Variants in ZNF502 observed in about 807,000 individuals in gnomAD.
ZNF502 encodes zinc finger protein 502.
ZNF502 carries 29 observed loss-of-function variants against 43.6 expected under a neutral mutation model. The observed-to-expected ratio is 0.67, with a 90% CI of 0.50 to 0.91. The LOEUF (loss-of-function observed/expected upper bound fraction) is 0.91. Among genes scored for constraint, ZNF502 ranks in the 40% least tolerant of loss-of-function variants. The pLI is 0.00. For synonymous variants in ZNF502, 171 were observed against 207.4 expected (o/e 0.82, Z 1.51); for missense variants, 591 against 647.2 (o/e 0.91, Z 0.94).
At chr3:44,713,156 C>A (rs1417884728) in intron 1 of ZNF502, among the ~76,000 whole-genome samples, 1 of 152,176 alleles carries the variant, frequency 6.6e-6, no homozygotes, top group Non-Finnish European at 1.5e-5. Context: ...CGGCAAATAG[C>A]GTAAAGTGCA....
chr3:44,719,389 A>G (rs1317435216), intron 1 of ZNF502, among the ~76,000 whole-genome samples: 2 of 152,230 alleles, frequency 1.3e-5, no homozygotes, highest in East Asian at 3.9e-4. Context: ...CATGTCTTCC[A>G]AGTTCTTGAC....
chr3:44,714,818 C>G (rs1239732178), intron 1 of ZNF502: 3 of 152,140 alleles, frequency 2.0e-5, no homozygotes, highest in Non-Finnish European at 4.4e-5. Context: ...CTGGAATGAC[C>G]CGTAAATATT....
intron 1 of ZNF502, among the ~76,000 whole-genome samples, chr3:44,715,461 G>C (rs1704121323): frequency 6.6e-6 from 1 of 152,148 alleles, no homozygotes; most frequent in Non-Finnish European, 1.5e-5. Context: ...GATTACAGAA[G>C]TTAGTTATTC....
Position 44,723,580 on chromosome 3 carries a change from CTT to C in ZNF502, c.*1132_*1133del, listed in dbSNP as rs374339007. 51 of 152,344 alleles carry C rather than the reference CTT, an allele frequency of 3.3e-4. No homozygotes were observed. In the East Asian group the frequency reaches 8.9e-3, roughly 26 times the overall value. 9.4% of individuals were successfully genotyped at this position (152,344 alleles called of 1,614,324 possible). ...ACTTTGGAAAGACTTCTAAAAGAATCTTTTTCAAATCCCTGAAAATCAGGATA... is the reference window on the plus strand; with the variant it reads ...ACTTTGGAAAGACTTCTAAAAGAATCTTTCAAATCCCTGAAAATCAGGATA... On this transcript the variant is annotated 3_prime_UTR_variant, in exon 3 of 3. Coordinates refer to ENST00000436624, the MANE Select transcript of ZNF502 (RefSeq NM_001134442.3).
rs1201748720 is a variant in ZNF502 at position 44,722,020 on chromosome 3, T to C, written c.1203T>C (p.His401=). 4 of 1,613,960 alleles carry C rather than the reference T, an allele frequency of 2.5e-6. No homozygotes were observed. The South Asian group carries it at 3.3e-5, about 13-fold the overall frequency. ...STPLTKHQRI[H]TGERPYKCSE... is the part of the protein sequence containing the mutation. ...CACTCACTAAACATCAGAGAATACA[T>C]ACAGGGGAGAGACCCTACAAATGCA... Residue 401 remains histidine (H), a synonymous_variant, in exon 3 of 3, where the codon CAT becomes CAC. Coordinates refer to ENST00000436624, the MANE Select transcript of ZNF502 (RefSeq NM_001134442.3).
intron 1 of ZNF502, among the ~76,000 whole-genome samples, chr3:44,717,075 A>C (rs1309814951): frequency 6.6e-6 from 1 of 152,090 alleles, no homozygotes; most frequent in East Asian, 1.9e-4. Context: ...TCCATTTTGC[A>C]TCATGCTTGA....
chr3:44,721,703 A>G lies in ZNF502; in HGVS notation c.886A>G (p.Ile296Val), dbSNP rs901932029. 3.5e-5 allele frequency: 57 copies of G among 1,613,062 alleles called. No homozygotes were observed. The highest frequency in any genetic ancestry group is 4.2e-5 in the Non-Finnish European group (50 of 1,179,366). ...AATTCACACTGGTGAGAAGCCTTAC[A>G]TATGCAGTGAATGTGGCTCTTCTTT... ...QRIHTGEKPY[I>V]CSECGSSFRK... Residue 296 changes from isoleucine (I) to valine (V), a missense_variant, in exon 3 of 3, where the codon ATA becomes GTA. Ile to Val is a conservative substitution (Grantham distance 29). Coordinates refer to ENST00000436624, the MANE Select transcript of ZNF502 (RefSeq NM_001134442.3).
rs914248700 is a variant in ZNF502 at position 44,720,905 on chromosome 3, C to A, written c.88C>A (p.Gln30Lys). 1 of 1,613,420 alleles carries A rather than the reference C, an allele frequency of 6.2e-7. No homozygotes were observed. Among genetic ancestry groups the A allele is most frequent in the Non-Finnish European group, 8.5e-7 (1 of 1,179,720 alleles). The change falls in exon 3 of 3, where the codon CAG (glutamine) becomes AAG (lysine). Residue 30 changes from glutamine (Q) to lysine (K), a missense_variant. Transcript: ENST00000436624. ...AAACAAGAACAAGCCTGCTCTGGAG[C>A]AGGATGTCTGTAAAATTGACTCATC... ...WVNKNKPALEQDVCKIDSSGI... is the reference protein window; with the variant it reads ...WVNKNKPALEKDVCKIDSSGI...
intron 1 of ZNF502, among the ~76,000 whole-genome samples, chr3:44,719,178 G>C (rs112446639): frequency 0.033 from 5,079 of 152,062 alleles, 273 homozygotes; most frequent in African/African-American, 0.11. Flanking sequence ...TCTCCATGTT[G>C]GCCAGGCTGG....
At chr3:44,717,750 C>T (rs191297266) in intron 1 of ZNF502, among the ~76,000 whole-genome samples, 1 of 152,262 alleles carries the variant, frequency 6.6e-6, no homozygotes, top group East Asian at 1.9e-4. Flanking sequence ...CCTCGAACTC[C>T]TGGACTCAAG....
intron 1 of ZNF502, among the ~76,000 whole-genome samples, chr3:44,715,226 A>G (rs1046910464): frequency 9.2e-5 from 14 of 152,170 alleles, no homozygotes; most frequent in African/African-American, 2.4e-4. Context: ...ATGCCAGTAT[A>G]TGTGTGCATA....
chr3:44,719,624 T>C (rs141379759), intron 1 of ZNF502, among the ~76,000 whole-genome samples: 2,551 of 152,330 alleles, frequency 0.017, 47 homozygotes, highest in African/African-American at 0.039. Flanking sequence ...TGCAGCCTGT[T>C]CTCTGACACT....
chr3:44,713,491 T>C lies in ZNF502; in HGVS notation c.-60+751T>C, dbSNP rs568859978. Among the ~76,000 whole-genome samples, 3 of 152,372 alleles carry C rather than the reference T, an allele frequency of 2.0e-5. No individual in the cohort carries two copies. In the South Asian group the frequency reaches 6.2e-4, roughly 32 times the overall value. On this transcript the variant is annotated intron_variant, in intron 1 of 2. Coordinates refer to ENST00000436624, the MANE Select transcript of ZNF502 (RefSeq NM_001134442.3). ...TAAACTACATTTATTTAGCACTTAC[T>C]GTATACCAGGCACTATTTGAAGCAT...
chr3:44,721,469 A>C lies in ZNF502; in HGVS notation c.652A>C (p.Lys218Gln). The C allele has an allele frequency of 6.2e-7, 1 of 1,614,202 alleles. No individual in the cohort carries two copies. Residue 218 changes from lysine to glutamine, a missense_variant, in exon 3 of 3, where the codon AAA becomes CAA. By Grantham distance (53) the Lys-to-Gln change is moderately conservative. Coordinates refer to ENST00000436624, the MANE Select transcript of ZNF502 (RefSeq NM_001134442.3). ...ACCATATGGATGTGAGCAGTGTGGG[A>C]AAACATTTCGATGTCGATCATTTCT... ...VKPYGCEQCG[K>Q]TFRCRSFLTQ...
intron 1 of ZNF502, among the ~76,000 whole-genome samples, chr3:44,713,155 G>A (rs1189419985): frequency 6.6e-6 from 1 of 152,198 alleles, no homozygotes; most frequent in Non-Finnish European, 1.5e-5. Flanking sequence ...ACGGCAAATA[G>A]CGTAAAGTGC....
At position 44,721,208 on chromosome 3, in the gene ZNF502, A is replaced by G. The variant is rs1271253185; in HGVS notation, c.391A>G (p.Thr131Ala). ...STEESLHQWE[T>A]SNIQTNDISD... is the part of the protein sequence containing the mutation. ...AGAAGAGAGTCTGCATCAGTGGGAA[A>G]CAAGTAATATACAAACCAATGATAT... The change falls in exon 3 of 3, where the codon ACA becomes GCA. Residue 131 changes from threonine to alanine, a missense_variant. Coordinates refer to ENST00000436624, the MANE Select transcript of ZNF502 (RefSeq NM_001134442.3). 1 of 1,614,046 alleles carries G rather than the reference A, an allele frequency of 6.2e-7. No homozygotes were observed. Among genetic ancestry groups the G allele is most frequent in the Non-Finnish European group, 8.5e-7 (1 of 1,180,042 alleles).
intron 2 of ZNF502, among the ~76,000 whole-genome samples, chr3:44,720,531 C>T (rs1704285920): frequency 6.6e-6 from 1 of 152,150 alleles, no homozygotes; most frequent in African/African-American, 2.4e-5. Flanking sequence ...TTACATTCTC[C>T]CACTCTCCAC....
rs992853118 is a variant in ZNF502, at chr3:44,716,578, C to A, written c.-59-3625C>A. 2.0e-5 allele frequency among the ~76,000 whole-genome samples: 3 copies of A among 152,216 alleles called. No individual in the cohort carries two copies. The South Asian group carries it at 6.2e-4, about 32-fold the overall frequency. On this transcript the variant is annotated intron_variant, in intron 1 of 2. Coordinates refer to ENST00000436624, the MANE Select transcript of ZNF502 (RefSeq NM_001134442.3). ...AAAATGAGCATTCTGTTCTGAATTC[C>A]TGTATCCACAAAATGTTGATCACAG...
In ZNF502 at chr3:44,721,233, T is replaced by C. The variant is rs1286812616; in HGVS notation, c.416T>C (p.Ile139Thr). The stretch of plus-strand genomic sequence containing the variant: ...ACAAGTAATATACAAACCAATGATA[T>C]TTCAGACCAAAGTAAATGTCCAACT... ...WETSNIQTND[I>T]SDQSKCPTLC... The change falls in exon 3 of 3, where the codon ATT becomes ACT. Residue 139 changes from isoleucine to threonine, a missense_variant. By Grantham distance (89) the Ile-to-Thr change is moderately conservative. Coordinates refer to ENST00000436624, the MANE Select transcript of ZNF502 (RefSeq NM_001134442.3). 6.2e-7 allele frequency: 1 copy of C among 1,613,994 alleles called. No individual in the cohort carries two copies. Among genetic ancestry groups the C allele is most frequent in the Non-Finnish European group, 8.5e-7 (1 of 1,180,026 alleles).
Sources: allele counts gnomAD v4.1 joint callset (sites outside exome capture counted in the v4.1 genomes callset), GRCh38; gene constraint gnomAD v4.1.1; transcripts MANE v1.5; gene names NCBI Gene and HGNC (gene_info 2026-07-23, HGNC 2026-07-21).